RANBP2: variants seen among roughly 807,000 people sequenced by gnomAD.
RANBP2 encodes E3 SUMO-protein ligase RanBP2.
Under a neutral mutation model 303.6 loss-of-function variants are expected in RANBP2, and 57 were observed. That is an observed-to-expected ratio of 0.19 (90% confidence interval 0.15 to 0.23). RANBP2 has a LOEUF of 0.23. RANBP2 is among the 10% of genes least tolerant of loss of function. The pLI, the probability that RANBP2 is intolerant of heterozygous loss-of-function variation, is 1.00. For missense variants in RANBP2, 3,138 were observed against 3,780.8 expected (o/e 0.83, Z 4.46); for synonymous variants, 1,167 against 1,301.5 (o/e 0.90, Z 2.23).
chr2:109,059,773 G>A, the RANBP2 span, among the ~76,000 whole-genome samples: 16 of 152,180 alleles, frequency 1.1e-4, no homozygotes, highest in African/African-American at 2.9e-4. Flanking sequence ...ACTAAACACA[G>A]CAGATCCTGG....
chr2:109,669,508 T>G, the RANBP2 span, among the ~76,000 whole-genome samples: 1 of 152,154 alleles, frequency 6.6e-6, no homozygotes, highest in Non-Finnish European at 1.5e-5. Context: ...AAGAATCTGA[T>G]TTAAAAATGA....
At chr2:109,794,584 G>GGGGGGGGCGGCGGC in the RANBP2 span, 1 of 854,702 alleles carries the variant, frequency 1.2e-6, no homozygotes. Flanking sequence ...CCCGGCCGGG[G>GGGGGGGGCGGCGGC]GGCGGCGGCG....
At chr2:109,140,354 T>C in the RANBP2 span, among the ~76,000 whole-genome samples, 2 of 152,156 alleles carry the variant, frequency 1.3e-5, no homozygotes, top group Non-Finnish European at 2.9e-5. Context: ...ATGTTCTTTT[T>C]CTATTTTTCC....
chr2:109,668,625 CA>C, the RANBP2 span, among the ~76,000 whole-genome samples: 17 of 152,156 alleles, frequency 1.1e-4, no homozygotes, highest in African/African-American at 3.9e-4. Context: ...CATTCTAATG[CA>C]ATCTAAGAAA....
At chr2:108,756,614 T>G (rs1676333313) in intron 17 of RANBP2, among the ~76,000 whole-genome samples, 1 of 152,200 alleles carries the variant, frequency 6.6e-6, no homozygotes. Context: ...TTACATACAA[T>G]TTTGACTTAA....
At chr2:109,463,487 G>A in the RANBP2 span, among the ~76,000 whole-genome samples, 24 of 152,304 alleles carry the variant, frequency 1.6e-4, no homozygotes, top group Non-Finnish European at 2.5e-4. Context: ...TCAAGGGTGC[G>A]AGGACTCCCC....
chr2:109,252,184 G>A, the RANBP2 span, among the ~76,000 whole-genome samples: 1 of 151,236 alleles, frequency 6.6e-6, no homozygotes, highest in Non-Finnish European at 1.5e-5. Context: ...GGAGGCAGAG[G>A]TTGCAGTGAA....
chr2:109,023,351 A>G, the RANBP2 span, among the ~76,000 whole-genome samples: 24 of 152,262 alleles, frequency 1.6e-4, no homozygotes, highest in African/African-American at 5.5e-4. Flanking sequence ...AGTTTAAAAA[A>G]TTGCTCTTTT....
At chr2:109,699,677 C>T in the RANBP2 span, among the ~76,000 whole-genome samples, 4 of 152,216 alleles carry the variant, frequency 2.6e-5, no homozygotes, top group African/African-American at 9.6e-5. Context: ...GGGTTGGTTG[C>T]GTTGTCTCAA....
chr2:108,929,018 G>A, the RANBP2 span, among the ~76,000 whole-genome samples: 1 of 152,216 alleles, frequency 6.6e-6, no homozygotes, highest in African/African-American at 2.4e-5. Flanking sequence ...CCTGTCCACC[G>A]GAGGGGCCAG....
intron 17 of RANBP2, among the ~76,000 whole-genome samples, chr2:108,755,528 TACAG>T (rs1676241580): frequency 6.6e-6 from 1 of 151,950 alleles, no homozygotes; most frequent in Admixed American, 6.6e-5. Context: ...AAGCCAGGAC[TACAG>T]ACAGTCACAC....
At chr2:109,128,427 G>A in the RANBP2 span, 1 of 152,114 alleles carries the variant, frequency 6.6e-6, no homozygotes, top group African/African-American at 2.4e-5. Context: ...GCGCCAGGGT[G>A]CTGGTCGGCG....
chr2:108,993,156 G>A, the RANBP2 span, among the ~76,000 whole-genome samples: 4 of 152,272 alleles, frequency 2.6e-5, no homozygotes, highest in East Asian at 7.7e-4. Context: ...TGTGAGGGGC[G>A]GTGCTTTGGT....
chr2:109,188,473 T>C, the RANBP2 span, among the ~76,000 whole-genome samples: 1 of 152,180 alleles, frequency 6.6e-6, no homozygotes, highest in Non-Finnish European at 1.5e-5. Context: ...TGTTTCCCCC[T>C]GGGGTTTGTG....
At chr2:108,915,220 T>G in the RANBP2 span, among the ~76,000 whole-genome samples, 213 of 152,312 alleles carry the variant, frequency 1.4e-3, no homozygotes, top group African/African-American at 3.2e-3. Context: ...GGCTGTTTTC[T>G]TTAGTAGGAA....
the RANBP2 span, among the ~76,000 whole-genome samples, chr2:109,272,622 A>G: frequency 6.6e-6 from 1 of 152,230 alleles, no homozygotes; most frequent in East Asian, 1.9e-4. Flanking sequence ...TGGTGAGCAC[A>G]TGCTTCCGCA....
chr2:108,939,254 TGCAACCTCC>T, the RANBP2 span, among the ~76,000 whole-genome samples: 1 of 152,240 alleles, frequency 6.6e-6, no homozygotes, highest in South Asian at 2.1e-4. Context: ...CTCAGCTCAC[TGCAACCTCC>T]GCAACCTCCG....
the RANBP2 span, among the ~76,000 whole-genome samples, chr2:109,277,462 G>A: frequency 6.6e-6 from 1 of 152,228 alleles, no homozygotes; most frequent in South Asian, 2.1e-4. Flanking sequence ...CTCCCGTGAA[G>A]AGTCCTACTT....
the RANBP2 span, among the ~76,000 whole-genome samples, chr2:109,199,013 C>CGTGGTG: frequency 6.6e-6 from 1 of 152,094 alleles, no homozygotes; most frequent in African/African-American, 2.4e-5. Flanking sequence ...ACTGTATTTA[C>CGTGGTG]ATGGTGGCCT....
Sources: gnomAD v4.1 joint callset for allele counts (sites outside exome capture counted in the v4.1 genomes callset) on GRCh38, gnomAD v4.1.1 for gene constraint, MANE v1.5 for transcripts, NCBI Gene and HGNC (gene_info 2026-07-23, HGNC 2026-07-21) for gene names.